Variants in POLR3B observed in about 807,000 individuals in gnomAD.
POLR3B encodes DNA-directed RNA polymerase III subunit RPC2.
A neutral mutation model predicts 147.4 loss-of-function variants in POLR3B; 96 were observed. The observed-to-expected ratio is 0.65, with a 90% CI of 0.55 to 0.77. The LOEUF (loss-of-function observed/expected upper bound fraction) is 0.77, where lower values mean the gene tolerates loss of function less well. POLR3B is among the 30% of genes least tolerant of loss of function. The pLI is 0.00. For missense variants in POLR3B, 1,036 were observed against 1,413.5 expected (o/e 0.73, Z 4.28); for synonymous variants, 461 against 485.9 (o/e 0.95, Z 0.67).
chr12:106,442,697 T>C (rs2037668782), intron 18 of POLR3B, among the ~76,000 whole-genome samples: 1 of 150,604 alleles, frequency 6.6e-6, no homozygotes, highest in South Asian at 2.1e-4. Flanking sequence ...ATTGATGGGC[T>C]GGGACGTGGT....
At chr12:106,399,815 C>G (rs1034932025) in intron 10 of POLR3B, among the ~76,000 whole-genome samples, 14 of 152,176 alleles carry the variant, frequency 9.2e-5, no homozygotes, top group African/African-American at 3.4e-4. Context: ...CCTAAAAGAG[C>G]TCCTGAAGGA....
At chr12:106,444,323 T>C in intron 18 of POLR3B, 140 bp from the exon 19 acceptor site, 1 of 745,852 alleles carries the variant, frequency 1.3e-6, no homozygotes, top group Non-Finnish European at 2.3e-6. Flanking sequence ...ATGTTTTTAT[T>C]TTACCAGTTT....
chr12:106,439,537 C>T (rs1163577234), intron 18 of POLR3B, among the ~76,000 whole-genome samples: 1 of 150,956 alleles, frequency 6.6e-6, no homozygotes, highest in Non-Finnish European at 1.5e-5. Context: ...CCCAGTAACT[C>T]AGGGGGCTGA....
At chr12:106,380,236 T>A in intron 9 of POLR3B, 97 bp downstream of exon 9, 1 of 748,614 alleles carries the variant, frequency 1.3e-6, no homozygotes, top group Non-Finnish European at 2.3e-6. Flanking sequence ...ATTCTTGGAA[T>A]AGAAAGATTT....
At chr12:106,377,850 A>G (rs1284275499) in intron 7 of POLR3B, among the ~76,000 whole-genome samples, 9 of 152,312 alleles carry the variant, frequency 5.9e-5, no homozygotes, top group Admixed American at 5.2e-4. Context: ...ATCCCAGTGC[A>G]CTGAGAGGCT....
intron 4 of POLR3B, among the ~76,000 whole-genome samples, chr12:106,366,978 C>A (rs760627836): frequency 2.6e-5 from 4 of 152,164 alleles, no homozygotes; most frequent in Admixed American, 6.5e-5. Context: ...TGGTGCACAT[C>A]TGTAATTCCA....
In POLR3B at chr12:106,446,204, T is replaced by C. The variant is rs2037720636; in HGVS notation, c.2083+1614T>C. 1.1e-5 allele frequency: 5 copies of C among 455,282 alleles called. No individual in the cohort carries two copies. The East Asian group carries it at 3.5e-4, about 32-fold the overall frequency. The allele number at this position is 455,282 out of a possible 1,614,324, so 28.2% of individuals were successfully genotyped here. ...TTTACCAAACCATTTTGTTTCATGATGTGAATCCCAGCTGAAACAATACAC... is the reference window on the plus strand; with the variant it reads ...TTTACCAAACCATTTTGTTTCATGACGTGAATCCCAGCTGAAACAATACAC... On this transcript the variant is annotated intron_variant, in intron 19 of 27. Coordinates refer to ENST00000228347, the MANE Select transcript of POLR3B (RefSeq NM_018082.6).
intron 6 of POLR3B, among the ~76,000 whole-genome samples, chr12:106,370,211 A>T (rs955417032): frequency 3.3e-5 from 5 of 152,068 alleles, no homozygotes; most frequent in African/African-American, 1.2e-4. Context: ...TAGACTTTAA[A>T]CTCAGTCCAC....
intron 1 of POLR3B, 186 bp downstream of exon 1, chr12:106,358,137 A>C: frequency 1.1e-6 from 1 of 896,410 alleles, no homozygotes; most frequent in Non-Finnish European, 1.5e-6. Context: ...TGCGCGAGTG[A>C]AGGCTGATCC....
chr12:106,504,164 G>C lies in POLR3B; in HGVS notation c.3182G>C (p.Ser1061Thr). ...GACTGTTTAATCGGTTATGGAGCCA[G>C]TATGCTTTTGCTAGAGAGACTAATG... ...ERDCLIGYGA[S>T]MLLLERLMIS... is the part of the protein sequence containing the mutation. The change falls in exon 27 of 28, where the codon AGT becomes ACT. Residue 1061 changes from serine (S) to threonine (T), a missense_variant. Physicochemically the swap from Ser to Thr is moderately conservative, Grantham distance 58 (BLOSUM62 1). Coordinates refer to ENST00000228347, the MANE Select transcript of POLR3B (RefSeq NM_018082.6). This position sits in a 1 kb window ranked among gnomAD's most constrained non-coding sequence, Gnocchi z 4.6. 1 of 1,614,124 alleles carries C rather than the reference G, an allele frequency of 6.2e-7. No homozygotes were observed. The highest frequency in any genetic ancestry group is 8.5e-7 in the Non-Finnish European group (1 of 1,179,914).
chr12:106,501,470 A>G (rs988952690), intron 26 of POLR3B, 34 bp downstream of exon 26: 1 of 1,227,956 alleles, frequency 8.1e-7, no homozygotes. Flanking sequence ...AGAATTGATA[A>G]TGCAGTCAAG....
chr12:106,367,866 A>C lies in POLR3B; in HGVS notation c.227+1144A>C, dbSNP rs111707369. Among the ~76,000 whole-genome samples, 528 of 152,294 alleles carry C rather than the reference A, an allele frequency of 3.5e-3. 2 individuals are homozygous for C. The highest frequency in any genetic ancestry group is 0.011 in the African/African-American group (465 of 41,560). ...AATTTCACCAACAGTTTTAGCATAC[A>C]TTGATGATTCTTACCTATAACAGTT... On this transcript the variant is annotated intron_variant, in intron 4 of 27. Transcript: ENST00000228347.
intron 20 of POLR3B, among the ~76,000 whole-genome samples, chr12:106,456,692 G>T (rs2037869681): frequency 6.6e-6 from 1 of 152,132 alleles, no homozygotes; most frequent in Non-Finnish European, 1.5e-5. Flanking sequence ...TCTCAACTCT[G>T]CTGCCAACTT....
chr12:106,507,665 G>T (rs1166969408), intron 27 of POLR3B: 1 of 425,642 alleles, frequency 2.3e-6, no homozygotes. Flanking sequence ...TCAAATACAG[G>T]TTAAGCACCC....
Position 106,510,112 on chromosome 12 carries a change from T to A in POLR3B, c.*563T>A, listed in dbSNP as rs982226990. On this transcript the variant is annotated 3_prime_UTR_variant, in exon 28 of 28. Coordinates refer to ENST00000228347, the MANE Select transcript of POLR3B (RefSeq NM_018082.6). ...GTTCCTACCTTGTCAAGCAAGAATG[T>A]CGTCTTCTCCTATGGACTCAATTGC... is the stretch of plus-strand genomic sequence containing the variant. The A allele has an allele frequency of 1.8e-5, 3 of 170,192 alleles. No individual in the cohort carries two copies. Among genetic ancestry groups the A allele is most frequent in the African/African-American group, 7.2e-5 (3 of 41,712 alleles). The allele number at this position is 170,192 out of a possible 1,614,324, so 10.5% of individuals were successfully genotyped here.
At chr12:106,495,915 T>C in intron 23 of POLR3B, 140 bp from the exon 24 acceptor site, 1 of 761,398 alleles carries the variant, frequency 1.3e-6, no homozygotes, top group Non-Finnish European at 2.4e-6. Flanking sequence ...GAAAATCACT[T>C]TTGTTGCTCT....
At chr12:106,374,454 C>T (rs1321802128) in intron 6 of POLR3B, among the ~76,000 whole-genome samples, 1 of 151,902 alleles carries the variant, frequency 6.6e-6, no homozygotes, top group Admixed American at 6.6e-5. Flanking sequence ...GGGCTCAAGT[C>T]ATCCACCCGC....
intron 9 of POLR3B, chr12:106,381,906 G>A (rs1474214761): frequency 1.3e-5 from 2 of 152,334 alleles, no homozygotes; most frequent in East Asian, 3.9e-4. Context: ...CTGGGAAAGG[G>A]GTGGGGAGTT....
chr12:106,481,223 A>C (rs1488296405), intron 23 of POLR3B, among the ~76,000 whole-genome samples: 1 of 152,144 alleles, frequency 6.6e-6, no homozygotes, highest in Non-Finnish European at 1.5e-5. Context: ...GGTGAGAGAG[A>C]TGATCTGACT....
Sources: gnomAD v4.1 joint callset for allele counts (sites outside exome capture counted in the v4.1 genomes callset) on GRCh38, gnomAD v4.1.1 for gene constraint, Gnocchi (gnomAD v3.1) non-coding constraint, MANE v1.5 for transcripts, NCBI Gene and HGNC (gene_info 2026-07-23, HGNC 2026-07-21) for gene names.